The following CEP85 variants were observed in gnomAD, a reference collection of about 807,000 sequenced individuals.
CEP85 encodes the protein centrosomal protein of 85 kDa.
CEP85 carries 58 observed loss-of-function variants against 93.7 expected under a neutral mutation model. The ratio of observed to expected loss-of-function variants is 0.62; its 90% confidence interval spans 0.50 to 0.77. CEP85 has a LOEUF of 0.77. Ranked by LOEUF, CEP85 falls within the 30% of genes least tolerant of loss-of-function variation. The pLI is 0.00. For synonymous variants in CEP85, 314 were observed against 338.6 expected (o/e 0.93, Z 0.80); for missense variants, 868 against 922.0 (o/e 0.94, Z 0.76).
chr1:26,258,449 C>T (rs1405001036), intron 6 of CEP85, among the ~76,000 whole-genome samples, 189 bp downstream of exon 6: 1 of 152,084 alleles, frequency 6.6e-6, no homozygotes, highest in Non-Finnish European at 1.5e-5. Flanking sequence ...AGGCTAAGAA[C>T]CAGGTGAAAG....
At chr1:26,273,369 A>G (rs913214394) in intron 11 of CEP85, among the ~76,000 whole-genome samples, 5 of 152,172 alleles carry the variant, frequency 3.3e-5, no homozygotes, top group African/African-American at 1.2e-4. Flanking sequence ...TGCCTTTGCC[A>G]TTATGTGGAT....
Position 26,255,511 on chromosome 1 carries a change from C to T in CEP85, c.549C>T (p.Ser183=). 6.2e-7 allele frequency: 1 copy of T among 1,614,124 alleles called. No homozygotes were observed. ...AGGCGAGGAAGTTTGATATTCCTAG[C>T]ATGGAATCTACCCTCAATCAGTCGG... ...QEEARKFDIP[S]MESTLNQSAM... Residue 183 remains serine (S), a synonymous_variant, in exon 4 of 14, where the codon AGC becomes AGT. Transcript: ENST00000451429.
In CEP85 at chr1:26,267,265, T is replaced by C. The variant is rs186434732; in HGVS notation, c.1342-1218T>C. ...TATACTTATTATTACAGTTTTATTA[T>C]AAGGGATACAATTCAGGGCTGGGTG... On this transcript the variant is annotated intron_variant, in intron 7 of 13. Coordinates refer to ENST00000451429, the MANE Select transcript of CEP85 (RefSeq NM_001319944.2). Among the ~76,000 whole-genome samples, 19 of 152,322 alleles carry C rather than the reference T, an allele frequency of 1.2e-4. No homozygotes were observed. The East Asian group carries it at 3.5e-3, about 28-fold the overall frequency.
chr1:26,270,489 T>C (rs76734326), intron 9 of CEP85, among the ~76,000 whole-genome samples: 2,098 of 152,318 alleles, frequency 0.014, 50 homozygotes, highest in African/African-American at 0.048. Flanking sequence ...CAGTTTCTAA[T>C]GGGATAGATT....
In CEP85 at chr1:26,271,034, TGGA is replaced by T. The variant is rs1161242619; in HGVS notation, c.1675_1677del (p.Glu559del). The T allele has an allele frequency of 1.9e-6, 3 of 1,612,396 alleles. No individual in the cohort carries two copies. Among genetic ancestry groups the T allele is most frequent in the Non-Finnish European group, 2.5e-6 (3 of 1,178,550 alleles). On this transcript the variant is annotated inframe_deletion, in exon 10 of 14. Transcript: ENST00000451429. ...TTCAGCCTGCAAGATAAACAGTCTG[TGGA>T]GGAGACCAGTGGAGAAGGTCCAGAA...
intron 1 of CEP85, among the ~76,000 whole-genome samples, chr1:26,235,564 ATTCTTTT>A (rs1374587455): frequency 1.4e-5 from 1 of 69,552 alleles, no homozygotes; most frequent in African/African-American, 5.8e-5. Context: ...TTAGATTGTA[ATTCTTTT>A]TTTTTTTTTT....
intron 11 of CEP85, among the ~76,000 whole-genome samples, chr1:26,274,552 G>A (rs1034150020): frequency 6.6e-6 from 1 of 152,220 alleles, no homozygotes; most frequent in Non-Finnish European, 1.5e-5. Flanking sequence ...CAGCTCAGGT[G>A]TGCCTTGGAG....
chr1:26,269,389 A>C (rs2089938630), intron 8 of CEP85, 71 bp from the exon 9 acceptor site: 32 of 1,468,946 alleles, frequency 2.2e-5, no homozygotes, highest in Non-Finnish European at 3.0e-5. Flanking sequence ...TCTTTGTGAC[A>C]CCGAGGAACA....
At chr1:26,275,118 ATTTC>A in intron 12 of CEP85, 47 bp downstream of exon 12, 2 of 1,432,842 alleles carry the variant, frequency 1.4e-6, no homozygotes, top group East Asian at 2.5e-5. Context: ...CACAAACCCG[ATTTC>A]TTTGTTTGCC....
At chr1:26,269,724 A>T in intron 9 of CEP85, 110 bp downstream of exon 9, 1 of 748,720 alleles carries the variant, frequency 1.3e-6, no homozygotes, top group Non-Finnish European at 2.1e-6. Flanking sequence ...CATTTTACTT[A>T]TCTGAGCTTT....
chr1:26,253,342 C>T (rs1278836816), intron 3 of CEP85, among the ~76,000 whole-genome samples: 2 of 150,996 alleles, frequency 1.3e-5, no homozygotes, highest in African/African-American at 2.4e-5. Context: ...CAACTGTGTA[C>T]TAGAGTTCCC....
intron 2 of CEP85, among the ~76,000 whole-genome samples, chr1:26,240,307 T>G (rs899447459): frequency 2.0e-5 from 3 of 152,122 alleles, no homozygotes; most frequent in Non-Finnish European, 4.4e-5. Context: ...ATATATTAAA[T>G]ATATACAGTC....
intron 11 of CEP85, among the ~76,000 whole-genome samples, chr1:26,273,229 C>CT (rs1489388917): frequency 6.6e-6 from 1 of 152,148 alleles, no homozygotes; most frequent in African/African-American, 2.4e-5. Flanking sequence ...GTGGGAGTGT[C>CT]TTTAACTGGG....
At chr1:26,275,229 T>C (rs1461733220) in intron 12 of CEP85, among the ~76,000 whole-genome samples, 158 bp downstream of exon 12, 1 of 151,962 alleles carries the variant, frequency 6.6e-6, no homozygotes, top group Non-Finnish European at 1.5e-5. Flanking sequence ...CATCATTCTT[T>C]ATATTACAGA....
At chr1:26,270,094 C>A (rs1385826905) in intron 9 of CEP85, among the ~76,000 whole-genome samples, 1 of 152,168 alleles carries the variant, frequency 6.6e-6, no homozygotes, top group Non-Finnish European at 1.5e-5. Flanking sequence ...GCTTTTATAT[C>A]TTTGGCATGG....
chr1:26,269,307 C>T (rs192051701), intron 8 of CEP85, 153 bp from the exon 9 acceptor site: 31 of 670,896 alleles, frequency 4.6e-5, no homozygotes, highest in African/African-American at 1.1e-4. Flanking sequence ...GTTCCATCTG[C>T]GAGGAGCACC....
intron 9 of CEP85, 65 bp from the exon 10 acceptor site, chr1:26,270,949 A>T: frequency 1.0e-6 from 1 of 982,020 alleles, no homozygotes. Context: ...AATAAGTAGC[A>T]GAACCAAGAA....
At chr1:26,269,752 A>G (rs2089945916) in intron 9 of CEP85, 138 bp downstream of exon 9, 1 of 586,628 alleles carries the variant, frequency 1.7e-6, no homozygotes, top group Admixed American at 3.1e-5. Context: ...TTGGACTGTG[A>G]ATAATAGGAA....
At chr1:26,246,435 C>T (rs2089509819) in intron 3 of CEP85, among the ~76,000 whole-genome samples, 1 of 152,012 alleles carries the variant, frequency 6.6e-6, no homozygotes, top group African/African-American at 2.4e-5. Flanking sequence ...GTACATGCTA[C>T]CTTAAAAACA....
Sources: gnomAD v4.1 joint callset for allele counts (sites outside exome capture counted in the v4.1 genomes callset) on GRCh38, gnomAD v4.1.1 for gene constraint, MANE v1.5 for transcripts, NCBI Gene and HGNC (gene_info 2026-07-23, HGNC 2026-07-21) for gene names.